Variants in RANBP10 observed in about 807,000 individuals in gnomAD.
The protein encoded by RANBP10 is ran-binding protein 10.
In RANBP10, 24 loss-of-function variants were observed where a neutral mutation model predicts 72.8. The observed-to-expected ratio is 0.33, with a 90% CI of 0.24 to 0.46. RANBP10 has a LOEUF of 0.46. RANBP10 is among the 20% of genes least tolerant of loss of function. The pLI, the probability that RANBP10 is intolerant of heterozygous loss-of-function variation, is 1.00. For missense variants in RANBP10, 679 were observed against 817.5 expected (o/e 0.83, Z 2.07); for synonymous variants, 310 against 322.3 (o/e 0.96, Z 0.41).
At chr16:67,798,259 T>C (rs2055169922) in intron 2 of RANBP10, among the ~76,000 whole-genome samples, 1 of 152,100 alleles carries the variant, frequency 6.6e-6, no homozygotes, top group South Asian at 2.1e-4. Flanking sequence ...AGCACCTTCT[T>C]ATCAGGGCGG....
chr16:67,789,916 G>C (rs969539023), intron 2 of RANBP10, among the ~76,000 whole-genome samples: 1 of 151,664 alleles, frequency 6.6e-6, no homozygotes, highest in Non-Finnish European at 1.5e-5. Flanking sequence ...GACCAACATG[G>C]CGAAATCCCA....
intron 3 of RANBP10, among the ~76,000 whole-genome samples, chr16:67,756,301 A>T (rs916987994): frequency 6.6e-6 from 1 of 152,230 alleles, no homozygotes; most frequent in Non-Finnish European, 1.5e-5. Context: ...GCTGAATGGA[A>T]AGATTTCCTC....
At position 67,730,271 on chromosome 16, in the gene RANBP10, G is replaced by A. The variant is rs191364026; in HGVS notation, c.890-225C>T. ...CCTCAAGAATATGGGGAAGATGGAG[G>A]GGAGACTCTCAGCCCAAAGGCAGGA... On this transcript the variant is annotated intron_variant, in intron 7 of 13. Coordinates refer to ENST00000317506, the MANE Select transcript of RANBP10 (RefSeq NM_020850.3). The surrounding 1 kb of genome is among the most constrained non-coding windows in gnomAD (Gnocchi z 4.3). Among the ~76,000 whole-genome samples, 2 of 152,174 alleles carry A rather than the reference G, an allele frequency of 1.3e-5. No individual in the cohort carries two copies. The highest frequency in any genetic ancestry group is 4.8e-5 in the African/African-American group (2 of 41,446).
At chr16:67,797,780 C>T (rs1002868770) in intron 2 of RANBP10, among the ~76,000 whole-genome samples, 1 of 151,928 alleles carries the variant, frequency 6.6e-6, no homozygotes, top group African/African-American at 2.4e-5. Context: ...CACTGGACTC[C>T]AACCTGGGTG....
intron 2 of RANBP10, among the ~76,000 whole-genome samples, chr16:67,773,495 C>T (rs1366213518): frequency 1.3e-5 from 2 of 152,162 alleles, no homozygotes; most frequent in African/African-American, 4.8e-5. Context: ...GCAGTAAATG[C>T]CCTTTTGCCT....
At chr16:67,790,849 G>A (rs1597914512) in intron 2 of RANBP10, among the ~76,000 whole-genome samples, 1 of 150,990 alleles carries the variant, frequency 6.6e-6, no homozygotes, top group Non-Finnish European at 1.5e-5. Flanking sequence ...ACAGGCACTC[G>A]CCACCATGCC....
intron 2 of RANBP10, among the ~76,000 whole-genome samples, chr16:67,792,561 C>CAA (rs527254214): frequency 1.5e-4 from 18 of 116,542 alleles, no homozygotes; most frequent in South Asian, 1.4e-3. Context: ...GACTCCATCT[C>CAA]AAAAAAAAAA....
rs1194354566 is a variant in RANBP10 at position 67,729,975 on chromosome 16, G to A, written c.961C>T (p.Leu321=). ...AGGAGGTTGGGGTTGTGCTCCAGCA[G>A]CCCTGGGTAGAAGCGCTGGGTGGTC... The part of the protein sequence containing the change: ...IETTQRFYPG[L]LEHNPNLLFM... The change falls in exon 8 of 14, where the codon CTG becomes TTG. Residue 321 remains leucine, a synonymous_variant. Coordinates refer to ENST00000317506, the MANE Select transcript of RANBP10 (RefSeq NM_020850.3). This position sits in a 1 kb window ranked among gnomAD's most constrained non-coding sequence, Gnocchi z 7.1. 1.2e-6 allele frequency: 2 copies of A among 1,613,790 alleles called. No individual in the cohort carries two copies.
intron 2 of RANBP10, among the ~76,000 whole-genome samples, chr16:67,788,146 C>G (rs1469332620): frequency 6.6e-6 from 1 of 150,542 alleles, no homozygotes; most frequent in Non-Finnish European, 1.5e-5. Context: ...CTCAAGCAAT[C>G]CTCTTGCTTC....
chr16:67,787,124 A>G (rs1420798446), intron 2 of RANBP10, among the ~76,000 whole-genome samples: 1 of 152,146 alleles, frequency 6.6e-6, no homozygotes, highest in East Asian at 1.9e-4. Context: ...CTGTGATCTC[A>G]GCTACTCAGG....
intron 3 of RANBP10, among the ~76,000 whole-genome samples, chr16:67,758,836 A>AG (rs146346319): frequency 0.14 from 21,154 of 152,194 alleles, 2,949 homozygotes; most frequent in African/African-American, 0.36. Context: ...TCCCATGCCC[A>AG]GAATAAGACT....
At chr16:67,751,911 G>A (rs562310902) in intron 3 of RANBP10, among the ~76,000 whole-genome samples, 2 of 148,498 alleles carry the variant, frequency 1.3e-5, no homozygotes, top group South Asian at 4.2e-4. Context: ...AAAAAAGAAA[G>A]AATTTAAAAA....
chr16:67,789,720 C>A (rs1250560260), intron 2 of RANBP10, among the ~76,000 whole-genome samples: 1 of 151,800 alleles, frequency 6.6e-6, no homozygotes, highest in Non-Finnish European at 1.5e-5. Context: ...ATCCACCCAT[C>A]TCAGTCTCCC....
intron 3 of RANBP10, among the ~76,000 whole-genome samples, chr16:67,767,657 C>T (rs1597880815): frequency 6.6e-6 from 1 of 151,230 alleles, no homozygotes; most frequent in Non-Finnish European, 1.5e-5. Context: ...AGTGCTAGGG[C>T]GCTACCTCAG....
At chr16:67,771,813 C>A (rs1391601283) in intron 3 of RANBP10, among the ~76,000 whole-genome samples, 1 of 152,174 alleles carries the variant, frequency 6.6e-6, no homozygotes, top group Non-Finnish European at 1.5e-5. Context: ...GCAAACAGTT[C>A]AAATTCCATT....
intron 2 of RANBP10, among the ~76,000 whole-genome samples, chr16:67,786,676 T>G (rs1485738813): frequency 1.3e-5 from 2 of 152,092 alleles, no homozygotes; most frequent in Non-Finnish European, 2.9e-5. Flanking sequence ...GCCTGAAATT[T>G]CAGCACTTTG....
At chr16:67,783,382 A>C (rs1030851820) in intron 2 of RANBP10, among the ~76,000 whole-genome samples, 3 of 152,130 alleles carry the variant, frequency 2.0e-5, no homozygotes, top group Non-Finnish European at 4.4e-5. Flanking sequence ...AGTCCTGATA[A>C]CAAGTTTGAG....
intron 2 of RANBP10, among the ~76,000 whole-genome samples, chr16:67,774,066 T>C (rs2054653283): frequency 6.6e-6 from 1 of 152,134 alleles, no homozygotes; most frequent in Non-Finnish European, 1.5e-5. Flanking sequence ...CTGCCAAAAG[T>C]CAGTCTCCAT....
At chr16:67,753,094 A>G (rs2054226507) in intron 3 of RANBP10, among the ~76,000 whole-genome samples, 3 of 151,454 alleles carry the variant, frequency 2.0e-5, no homozygotes, top group African/African-American at 7.3e-5. Flanking sequence ...TACAAAAACT[A>G]GCTGGGTGTG....
Sources: allele counts gnomAD v4.1 joint callset (sites outside exome capture counted in the v4.1 genomes callset), GRCh38; gene constraint gnomAD v4.1.1; non-coding constraint Gnocchi (gnomAD v3.1); transcripts MANE v1.5; gene names NCBI Gene and HGNC (gene_info 2026-07-23, HGNC 2026-07-21).